GPA33: variants seen among roughly 807,000 people sequenced by gnomAD.
GPA33 encodes the protein cell surface A33 antigen.
GPA33 carries 27 observed loss-of-function variants against 35.6 expected under a neutral mutation model. That is an observed-to-expected ratio of 0.76 (90% CI 0.56 to 1.04). The LOEUF (loss-of-function observed/expected upper bound fraction) is 1.04, where lower values mean the gene tolerates loss of function less well. Among genes scored for constraint, GPA33 ranks in the 50% least tolerant of loss-of-function variants. The probability of loss-of-function intolerance (pLI) is 0.00; values close to 1 mark genes in which losing one functional copy is unlikely to be tolerated. For missense variants in GPA33, 428 were observed against 411.9 expected (o/e 1.04, Z -0.34); for synonymous variants, 176 against 164.0 (o/e 1.07, Z -0.56).
At chr1:167,072,564 T>G (rs1335004932) in intron 2 of GPA33, among the ~76,000 whole-genome samples, 2 of 152,200 alleles carry the variant, frequency 1.3e-5, no homozygotes, top group Non-Finnish European at 2.9e-5. Flanking sequence ...TATGTATATA[T>G]AGAGAGGTAC....
At chr1:167,056,131 C>T (rs1666244986) in intron 4 of GPA33, among the ~76,000 whole-genome samples, 1 of 152,186 alleles carries the variant, frequency 6.6e-6, no homozygotes, top group Non-Finnish European at 1.5e-5. Context: ...CCTCCATTTC[C>T]TCATCTAAAA....
chr1:167,072,892 G>A lies in GPA33; in HGVS notation c.198+493C>T, dbSNP rs188521255. Among the ~76,000 whole-genome samples, 16 of 152,176 alleles carry A rather than the reference G, an allele frequency of 1.1e-4. No individual in the cohort carries two copies. In the East Asian group the frequency reaches 3.1e-3, roughly 29 times the overall value. On this transcript the variant is annotated intron_variant, in intron 2 of 6. Coordinates refer to ENST00000367868, the MANE Select transcript of GPA33 (RefSeq NM_005814.3). ...AAAGTGGGGGATAGAGGATGAGGGT[G>A]TGGGAAGAGGGTGGGTGAGACAGGA...
intron 4 of GPA33, among the ~76,000 whole-genome samples, chr1:167,063,278 G>A (rs1414330963): frequency 6.6e-6 from 1 of 152,050 alleles, no homozygotes; most frequent in South Asian, 2.1e-4. Context: ...AAATAGTGGT[G>A]GGCACCTGTA....
At chr1:167,056,815 G>GAT (rs1558002165) in intron 4 of GPA33, among the ~76,000 whole-genome samples, 325 of 89,016 alleles carry the variant, frequency 3.7e-3, no homozygotes, top group Admixed American at 4.9e-3. Context: ...GTGTGTATGT[G>GAT]GCAGCGTTTG....
chr1:167,085,639 G>T lies in GPA33; in HGVS notation c.43+4606C>A, dbSNP rs71630374. ...TCTCAGGCCCTACCCTGGACATACC[G>T]AATCATCTGCATTTTAACAAGATCC... is the stretch of plus-strand genomic sequence containing the variant. On this transcript the variant is annotated intron_variant, in intron 1 of 6. Coordinates refer to ENST00000367868, the MANE Select transcript of GPA33 (RefSeq NM_005814.3). Among the ~76,000 whole-genome samples the T allele has an allele frequency of 5.3e-5, 8 of 152,176 alleles. No homozygotes were observed. The South Asian group carries it at 1.7e-3, about 32-fold the overall frequency.
At position 167,053,091 on chromosome 1, in the gene GPA33, A is replaced by T. The variant is rs910701320; in HGVS notation, c.*1243T>A. 1 of 152,244 alleles carries T rather than the reference A, an allele frequency of 6.6e-6. No homozygotes were observed. The highest frequency in any genetic ancestry group is 2.1e-4 in the South Asian group (1 of 4,832). 9.4% of individuals were successfully genotyped at this position (152,244 alleles called of 1,614,324 possible). A position where few individuals can be genotyped will look rare whatever the true frequency, so the allele number is the denominator to read the frequency against. Reference sequence around the variant, plus strand: ...AGAGTAGAAGAAATGCTCGACAAACAGAAGGAGGCTGTGGGAGGGCAGCAG... The same window carrying T: ...AGAGTAGAAGAAATGCTCGACAAACTGAAGGAGGCTGTGGGAGGGCAGCAG... On this transcript the variant is annotated 3_prime_UTR_variant, in exon 7 of 7. Coordinates refer to ENST00000367868, the MANE Select transcript of GPA33 (RefSeq NM_005814.3).
In GPA33 at chr1:167,068,982, C is replaced by T. The variant is rs72689400; in HGVS notation, c.355G>A (p.Val119Ile). Residue 119 changes from valine (V) to isoleucine (I), a missense_variant, in exon 3 of 7, where the codon GTC becomes ATC. Physicochemically the swap from Val to Ile is conservative, Grantham distance 29 (BLOSUM62 3). Transcript: ENST00000367868. The stretch of plus-strand genomic sequence containing the variant: ...CCCTCCAGGTCTGACATCAGCGAGA[C>T]AGAACACTCGTAGGTGCCGTTGTCA... ...MADNGTYECS[V>I]SLMSDLEGNT... 2.5e-6 allele frequency: 4 copies of T among 1,614,014 alleles called. No homozygotes were observed.
chr1:167,059,397 T>C (rs1173411745), intron 4 of GPA33, among the ~76,000 whole-genome samples: 1 of 152,130 alleles, frequency 6.6e-6, no homozygotes, highest in African/African-American at 2.4e-5. Context: ...GCTCCAGCTG[T>C]GGAGAGATTC....
intron 2 of GPA33, among the ~76,000 whole-genome samples, chr1:167,072,995 T>C (rs769700379): frequency 7.3e-5 from 11 of 150,780 alleles, no homozygotes; most frequent in African/African-American, 2.4e-4. Flanking sequence ...GATTATATTA[T>C]CTATTTAAAA....
intron 1 of GPA33, among the ~76,000 whole-genome samples, chr1:167,076,632 C>T (rs1219593494): frequency 6.6e-6 from 1 of 152,150 alleles, no homozygotes; most frequent in Non-Finnish European, 1.5e-5. Context: ...GGGCACTGTA[C>T]AGTGAGGGCC....
chr1:167,064,686 C>T lies in GPA33; in HGVS notation c.416-949G>A, dbSNP rs139795591. Among the ~76,000 whole-genome samples the T allele has an allele frequency of 1.5e-3, 232 of 152,302 alleles. No homozygotes were observed. In the Middle Eastern group the frequency reaches 0.034, roughly 22 times the overall value. ...GCTGGATTTGGTCCTAGTTTGCCTA[C>T]CCCTGAACTAAGTGATCTCTGAAGC... On this transcript the variant is annotated intron_variant, in intron 3 of 6. Coordinates refer to ENST00000367868, the MANE Select transcript of GPA33 (RefSeq NM_005814.3).
intron 1 of GPA33, among the ~76,000 whole-genome samples, chr1:167,081,236 C>T (rs1196380212): frequency 6.6e-6 from 1 of 152,174 alleles, no homozygotes. Flanking sequence ...ATTATGTGAG[C>T]CCTTGGGAAA....
chr1:167,061,809 A>T (rs1236532287), intron 4 of GPA33, among the ~76,000 whole-genome samples: 1 of 151,946 alleles, frequency 6.6e-6, no homozygotes, highest in East Asian at 1.9e-4. Context: ...TCACCGTGTT[A>T]GCCAGGATGG....
At chr1:167,073,938 A>C (rs924792117) in intron 1 of GPA33, among the ~76,000 whole-genome samples, 1 of 152,098 alleles carries the variant, frequency 6.6e-6, no homozygotes, top group African/African-American at 2.4e-5. Context: ...TGGCGCATAG[A>C]AAACTCTCAA....
chr1:167,053,791 T>C lies in GPA33; in HGVS notation c.*543A>G, dbSNP rs1666166384. The stretch of plus-strand genomic sequence containing the variant: ...GGAGGGTTTGGAACATACTGGCAGC[T>C]ACGGGAAGTGAGGTTGGAAAGGGAG... On this transcript the variant is annotated 3_prime_UTR_variant, in exon 7 of 7. Transcript: ENST00000367868. The C allele has an allele frequency of 6.5e-6, 1 of 154,284 alleles. No individual in the cohort carries two copies. Among genetic ancestry groups the C allele is most frequent in the Admixed American group, 6.4e-5 (1 of 15,576 alleles). 9.6% of individuals were successfully genotyped at this position (154,284 alleles called of 1,614,324 possible). A position where few individuals can be genotyped will look rare whatever the true frequency, so the allele number is the denominator to read the frequency against.
intron 4 of GPA33, 49 bp downstream of exon 4, chr1:167,063,533 T>C: frequency 6.5e-7 from 1 of 1,530,272 alleles, no homozygotes; most frequent in Non-Finnish European, 8.9e-7. Flanking sequence ...ATCAGCTGCA[T>C]GTGTTGCACT....
At chr1:167,077,870 T>C (rs1666855190) in intron 1 of GPA33, among the ~76,000 whole-genome samples, 1 of 152,238 alleles carries the variant, frequency 6.6e-6, no homozygotes, top group Non-Finnish European at 1.5e-5. Context: ...CTCTCTTTAA[T>C]GATAGACATT....
chr1:167,064,587 G>A (rs1402769782), intron 3 of GPA33, among the ~76,000 whole-genome samples: 1 of 152,202 alleles, frequency 6.6e-6, no homozygotes, highest in Non-Finnish European at 1.5e-5. Flanking sequence ...AGGCTTCGCA[G>A]ACTACATATT....
chr1:167,086,965 G>A (rs190961147), intron 1 of GPA33, among the ~76,000 whole-genome samples: 1 of 152,026 alleles, frequency 6.6e-6, no homozygotes, highest in Non-Finnish European at 1.5e-5. Flanking sequence ...AGTGACTTTT[G>A]TCTCCTGGAG....
Sources: allele counts gnomAD v4.1 joint callset (sites outside exome capture counted in the v4.1 genomes callset), GRCh38; gene constraint gnomAD v4.1.1; transcripts MANE v1.5; gene names NCBI Gene and HGNC (gene_info 2026-07-23, HGNC 2026-07-21).